SLC25A21: variants seen among roughly 807,000 people sequenced by gnomAD.
The protein encoded by SLC25A21 is mitochondrial 2-oxodicarboxylate carrier.
Under a neutral mutation model 43.8 loss-of-function variants are expected in SLC25A21, and 47 were observed. That is an observed-to-expected ratio of 1.07 (90% CI 0.85 to 1.37). The LOEUF (loss-of-function observed/expected upper bound fraction) is 1.37. Ranked by LOEUF, SLC25A21 falls within the 40% of genes most tolerant of loss-of-function variation. The probability of loss-of-function intolerance (pLI) is 0.00; values close to 1 mark genes in which losing one functional copy is unlikely to be tolerated. For missense variants in SLC25A21, 352 were observed against 350.2 expected (o/e 1.00, Z -0.04); for synonymous variants, 131 against 121.3 (o/e 1.08, Z -0.52).
At chr14:36,841,372 G>C (rs576735833) in intron 2 of SLC25A21, among the ~76,000 whole-genome samples, 1 of 152,088 alleles carries the variant, frequency 6.6e-6, no homozygotes, top group Non-Finnish European at 1.5e-5. Flanking sequence ...CCGTTCTTTA[G>C]AGTTCTTCCT....
chr14:36,829,929 A>T (rs1220697891), intron 2 of SLC25A21, among the ~76,000 whole-genome samples: 19 of 149,776 alleles, frequency 1.3e-4, no homozygotes, highest in South Asian at 2.1e-4. Context: ...CTGCTGTTGC[A>T]TTTTTTTTTT....
intron 1 of SLC25A21, among the ~76,000 whole-genome samples, chr14:37,041,580 G>C (rs886275133): frequency 1.3e-5 from 2 of 152,172 alleles, no homozygotes; most frequent in Non-Finnish European, 2.9e-5. Flanking sequence ...TTTCTGTTGA[G>C]TAAGAGCAAC....
rs115094637 is a variant in SLC25A21, at chr14:36,835,917, A to G, written c.120-21916T>C. Among the ~76,000 whole-genome samples, 1,343 of 152,216 alleles carry G rather than the reference A, an allele frequency of 8.8e-3. 13 individuals are homozygous for G. Among genetic ancestry groups the G allele is most frequent in the African/African-American group, 0.03 (1,241 of 41,540 alleles). On this transcript the variant is annotated intron_variant, in intron 2 of 9. Transcript: ENST00000331299. ...CACTCACCATTGTCTTCCTTCAAATATGGTACCCAGCCACTTGTCTTATTT... is the reference window on the plus strand; with the variant it reads ...CACTCACCATTGTCTTCCTTCAAATGTGGTACCCAGCCACTTGTCTTATTT...
At position 36,868,093 on chromosome 14, in the gene SLC25A21, C is replaced by T. The variant is rs547895853; in HGVS notation, c.119+6863G>A. On this transcript the variant is annotated intron_variant, in intron 2 of 9. Coordinates refer to ENST00000331299, the MANE Select transcript of SLC25A21 (RefSeq NM_030631.4). The stretch of plus-strand genomic sequence containing the variant: ...TGAAGCCTATATAAGAAAAGGAGAG[C>T]GGAGAAAAGGAGGGAGAGAGGGAGA... 1.8e-4 allele frequency among the ~76,000 whole-genome samples: 27 copies of T among 151,176 alleles called. No individual in the cohort carries two copies. In the East Asian group the frequency reaches 4.3e-3, roughly 24 times the overall value.
At chr14:36,838,674 C>T (rs1232832036) in intron 2 of SLC25A21, among the ~76,000 whole-genome samples, 1 of 152,160 alleles carries the variant, frequency 6.6e-6, no homozygotes, top group African/African-American at 2.4e-5. Context: ...TTGATTATGA[C>T]ATTGCTTTGC....
At chr14:37,162,199 T>C (rs1051654133) in intron 1 of SLC25A21, among the ~76,000 whole-genome samples, 1 of 152,112 alleles carries the variant, frequency 6.6e-6, no homozygotes, top group Non-Finnish European at 1.5e-5. Flanking sequence ...GAAAATTTTC[T>C]CCCATTTTGT....
chr14:37,023,179 G>C (rs1961023733), intron 1 of SLC25A21, among the ~76,000 whole-genome samples: 1 of 151,982 alleles, frequency 6.6e-6, no homozygotes, highest in East Asian at 1.9e-4. Context: ...CATCTTTGCT[G>C]TAACTGGTTT....
rs76435351 is a variant in SLC25A21, at chr14:36,932,429, C to A, written c.71-57425G>T. 7.2e-3 allele frequency among the ~76,000 whole-genome samples: 1,095 copies of A among 152,040 alleles called. 17 individuals are homozygous for A. The highest frequency in any genetic ancestry group is 0.024 in the African/African-American group (1,011 of 41,498). Reference sequence around the variant, plus strand: ...TTCCTGCTGAGTGAAGTAGTACTTCCTTTTACTTGTTTTAATGTTTTTCTG... The same window carrying A: ...TTCCTGCTGAGTGAAGTAGTACTTCATTTTACTTGTTTTAATGTTTTTCTG... On this transcript the variant is annotated intron_variant, in intron 1 of 9. Transcript: ENST00000331299.
intron 2 of SLC25A21, among the ~76,000 whole-genome samples, chr14:36,842,180 G>A (rs370711346): frequency 5.4e-4 from 82 of 152,286 alleles, no homozygotes; most frequent in African/African-American, 1.9e-3. Context: ...ACTAACAGAC[G>A]CTAGCACATA....
intron 1 of SLC25A21, among the ~76,000 whole-genome samples, chr14:37,134,270 T>C (rs1269213328): frequency 3.3e-5 from 5 of 152,196 alleles, no homozygotes; most frequent in Admixed American, 3.3e-4. Context: ...GGAACATTTA[T>C]TCCCTATGAT....
At chr14:36,986,541 C>T (rs1336547778) in intron 1 of SLC25A21, among the ~76,000 whole-genome samples, 1 of 152,058 alleles carries the variant, frequency 6.6e-6, no homozygotes, top group East Asian at 1.9e-4. Flanking sequence ...TTCCTTCTAC[C>T]CAGAGCCTAG....
intron 3 of SLC25A21, among the ~76,000 whole-genome samples, chr14:36,801,496 G>A (rs1287215937): frequency 6.6e-6 from 1 of 152,166 alleles, no homozygotes; most frequent in East Asian, 1.9e-4. Context: ...AAAATCCTGG[G>A]TGAATGTGGA....
rs79462172 is a variant in SLC25A21 at position 37,008,705 on chromosome 14, G to A, written c.71-133701C>T. ...CCACCAATTAGGAGATAATGTTAGT[G>A]AGGAAGGGAGAGACGCTTTGATTAA... On this transcript the variant is annotated intron_variant, in intron 1 of 9. Coordinates refer to ENST00000331299, the MANE Select transcript of SLC25A21 (RefSeq NM_030631.4). Among the ~76,000 whole-genome samples the A allele has an allele frequency of 4.8e-3, 724 of 152,274 alleles. 8 individuals carry two copies. Among genetic ancestry groups the A allele is most frequent in the African/African-American group, 0.017 (690 of 41,554 alleles).
intron 2 of SLC25A21, among the ~76,000 whole-genome samples, 173 bp from the exon 3 acceptor site, chr14:36,814,174 T>C (rs1888371140): frequency 6.6e-6 from 1 of 152,234 alleles, no homozygotes; most frequent in African/African-American, 2.4e-5. Flanking sequence ...TTTCATAGTC[T>C]TTAAAATTAC....
intron 1 of SLC25A21, among the ~76,000 whole-genome samples, chr14:36,978,212 A>G (rs1959926497): frequency 1.3e-5 from 2 of 152,184 alleles, no homozygotes; most frequent in Non-Finnish European, 2.9e-5. Flanking sequence ...GATAATTCTT[A>G]TCTATATACA....
chr14:36,833,657 T>A (rs1889110817), intron 2 of SLC25A21, among the ~76,000 whole-genome samples: 1 of 152,236 alleles, frequency 6.6e-6, no homozygotes, highest in Non-Finnish European at 1.5e-5. Flanking sequence ...CAGACCAATT[T>A]AATTTCCTCT....
At chr14:36,985,254 C>A (rs1960120608) in intron 1 of SLC25A21, among the ~76,000 whole-genome samples, 1 of 151,190 alleles carries the variant, frequency 6.6e-6, no homozygotes, top group African/African-American at 2.4e-5. Flanking sequence ...TGCAGCGCAC[C>A]AGCATGGCAC....
At chr14:37,135,385 C>T (rs925387189) in intron 1 of SLC25A21, among the ~76,000 whole-genome samples, 2 of 152,102 alleles carry the variant, frequency 1.3e-5, no homozygotes, top group Admixed American at 1.3e-4. Context: ...GGGAACAGAG[C>T]AAGATCCTAT....
At chr14:36,730,487 C>G (rs1884774299) in intron 4 of SLC25A21, among the ~76,000 whole-genome samples, 1 of 152,104 alleles carries the variant, frequency 6.6e-6, no homozygotes, top group South Asian at 2.1e-4. Flanking sequence ...CCAATATTTT[C>G]TACTCTATTA....
Sources: allele counts gnomAD v4.1 joint callset (sites outside exome capture counted in the v4.1 genomes callset), GRCh38; gene constraint gnomAD v4.1.1; transcripts MANE v1.5; gene names NCBI Gene and HGNC (gene_info 2026-07-23, HGNC 2026-07-21).